Variants in MRPL35 observed in about 807,000 individuals in gnomAD.
The protein encoded by MRPL35 is mitochondrial ribosomal protein L35.
A neutral mutation model predicts 21.6 loss-of-function variants in MRPL35; 18 were observed. The observed-to-expected ratio is 0.83, with a 90% CI of 0.58 to 1.24. The LOEUF (loss-of-function observed/expected upper bound fraction) is 1.24, where lower values mean the gene tolerates loss of function less well. MRPL35 is among the 50% of genes most tolerant of loss of function. The probability of loss-of-function intolerance (pLI) is 0.00; values close to 1 mark genes in which losing one functional copy is unlikely to be tolerated. For missense variants in MRPL35, 223 were observed against 223.2 expected, an observed-to-expected ratio of 1.00 and a Z score of 0.01; for synonymous variants, 87 against 86.9, an observed-to-expected ratio of 1.00 and a Z score of -0.01.
rs1052055 is a variant in MRPL35, at chr2:86,210,606, C to T, written c.505C>T (p.Arg169Ter). ...DKMTTSFWKR[R>*]NWYVDDPYQK... is the part of the protein sequence containing the mutation. ...AATGACGACGTCCTTCTGGAAGAGG[C>T]GAAACTGGTACGTTGATGATCCTTA... is the stretch of plus-strand genomic sequence containing the variant. Residue 169 changes from arginine (R) to a stop codon, truncating the protein, a stop_gained, in exon 4 of 4, where the codon CGA becomes TGA. Coordinates refer to ENST00000337109, the MANE Select transcript of MRPL35 (RefSeq NM_016622.4). LOFTEE classifies it high-confidence loss of function. The T allele has an allele frequency of 1.2e-5, 20 of 1,613,526 alleles. No individual in the cohort carries two copies. Among genetic ancestry groups the T allele is most frequent in the Admixed American group, 3.3e-5 (2 of 59,976 alleles).
At position 86,212,080 on chromosome 2, in the gene MRPL35, T is replaced by C. The variant is rs1673912098; in HGVS notation, c.*1412T>C. On this transcript the variant is annotated 3_prime_UTR_variant, in exon 4 of 4. Coordinates refer to ENST00000337109, the MANE Select transcript of MRPL35 (RefSeq NM_016622.4). ...AGCATTTTCAAACAGCAAAGTACTT[T>C]GAAAACCATTATTAAATAGAATTAT... 1.8e-6 allele frequency: 2 copies of C among 1,102,356 alleles called. No homozygotes were observed. The highest frequency in any genetic ancestry group is 2.2e-6 in the Non-Finnish European group (2 of 902,992). 68.3% of individuals were successfully genotyped at this position (1,102,356 alleles called of 1,614,324 possible). A position where few individuals can be genotyped will look rare whatever the true frequency, so the allele number is the denominator to read the frequency against.
chr2:86,211,707 GC>G lies in MRPL35; in HGVS notation c.*1042del. 1.0e-6 allele frequency: 1 copy of G among 984,780 alleles called. No individual in the cohort carries two copies. The highest frequency in any genetic ancestry group is 1.2e-6 in the Non-Finnish European group (1 of 829,396). The allele number at this position is 984,780 out of a possible 1,614,324, so 61.0% of individuals were successfully genotyped here. On this transcript the variant is annotated 3_prime_UTR_variant, in exon 4 of 4. Coordinates refer to ENST00000337109, the MANE Select transcript of MRPL35 (RefSeq NM_016622.4). ...CTAGAGACAGGAGTTTTGCTCTGTT[GC>G]CCAGGCTGGAGTGCAGTGGTGCAAT...
rs202007348 is a variant in MRPL35, at chr2:86,207,343, G to A, written c.378+16G>A. The stretch of plus-strand genomic sequence containing the variant: ...GAGGAGAAAGGTGAGTCTTCACACT[G>A]TTACTAAATTGAAAAAGGAATGTGA... On this transcript the variant is annotated intron_variant, in intron 3 of 3. Transcript: ENST00000337109. The A allele has an allele frequency of 6.2e-7, 1 of 1,600,048 alleles. No homozygotes were observed. The highest frequency in any genetic ancestry group is 8.5e-7 in the Non-Finnish European group (1 of 1,173,908).
chr2:86,213,555 G>A lies in MRPL35; in HGVS notation c.*2887G>A, dbSNP rs1023095664. The A allele has an allele frequency of 3.3e-6, 5 of 1,521,942 alleles. No homozygotes were observed. In the African/African-American group the frequency reaches 5.6e-5, roughly 17 times the overall value. 94.3% of individuals were successfully genotyped at this position (1,521,942 alleles called of 1,614,324 possible). A position where few individuals can be genotyped will look rare whatever the true frequency, so the allele number is the denominator to read the frequency against. On this transcript the variant is annotated 3_prime_UTR_variant, in exon 4 of 4. Transcript: ENST00000337109. ...CACCCAATGAAGTTTGAGTCTGCCT[G>A]TTCAGATGTGAAAGGTAAGGGCTGC...
chr2:86,201,899 G>A (rs1474357769), intron 1 of MRPL35, among the ~76,000 whole-genome samples: 1 of 152,030 alleles, frequency 6.6e-6, no homozygotes, highest in Non-Finnish European at 1.5e-5. Flanking sequence ...AATGTACATC[G>A]TCACCTTTGT....
Position 86,207,147 on chromosome 2 carries a change from T to A in MRPL35, c.234-36T>A, listed in dbSNP as rs147307303. 4.2e-5 allele frequency: 64 copies of A among 1,538,748 alleles called. No homozygotes were observed. The African/African-American group carries it at 8.5e-4, about 20-fold the overall frequency. On this transcript the variant is annotated intron_variant, in intron 2 of 3. Transcript: ENST00000337109. Reference sequence around the variant, plus strand: ...ATGAATTTTAATCCTTTAATCAGTCTGATTACAAGCTAAAAATTTTAAAAT... The same window carrying A: ...ATGAATTTTAATCCTTTAATCAGTCAGATTACAAGCTAAAAATTTTAAAAT...
At chr2:86,206,025 G>C (rs1673781654) in intron 1 of MRPL35, 81 bp from the exon 2 acceptor site, 1 of 1,208,224 alleles carries the variant, frequency 8.3e-7, no homozygotes, top group Admixed American at 2.1e-5. Context: ...TTAATACTTG[G>C]TGGCAGTGAT....
At chr2:86,200,049 C>T (rs1210289973) in intron 1 of MRPL35, among the ~76,000 whole-genome samples, 1 of 152,148 alleles carries the variant, frequency 6.6e-6, no homozygotes, top group South Asian at 2.1e-4. Context: ...GGCACAAGGG[C>T]TGGTATGAGG....
intron 1 of MRPL35, among the ~76,000 whole-genome samples, chr2:86,205,818 C>A (rs894994824): frequency 6.6e-6 from 1 of 152,212 alleles, no homozygotes; most frequent in Admixed American, 6.5e-5. Context: ...AAATGTTACA[C>A]ACATCTCTTT....
At chr2:86,210,202 A>G (rs1207809882) in intron 3 of MRPL35, among the ~76,000 whole-genome samples, 1 of 152,152 alleles carries the variant, frequency 6.6e-6, no homozygotes, top group Non-Finnish European at 1.5e-5. Context: ...CCAGCCACAC[A>G]CATTTAGTTT....
intron 3 of MRPL35, among the ~76,000 whole-genome samples, 168 bp from the exon 4 acceptor site, chr2:86,210,312 C>CA (rs1175035834): frequency 6.7e-6 from 1 of 149,404 alleles, no homozygotes; most frequent in African/African-American, 2.4e-5. Flanking sequence ...CCCTCCCCGC[C>CA]ACCCTCCCTT....
Position 86,199,544 on chromosome 2 carries a change from A to G in MRPL35, c.43+11A>G, listed in dbSNP as rs1673643530. 2 of 1,614,030 alleles carry G rather than the reference A, an allele frequency of 1.2e-6. No individual in the cohort carries two copies. Among genetic ancestry groups the G allele is most frequent in the East Asian group, 4.5e-5 (2 of 44,870 alleles). On this transcript the variant is annotated intron_variant, in intron 1 of 3. Coordinates refer to ENST00000337109, the MANE Select transcript of MRPL35 (RefSeq NM_016622.4). ...TGAGAGCAGCTTCAGGTCAGTGGAGAGCGACATACTCCATGCATGCCTTCA... is the reference window on the plus strand; with the variant it reads ...TGAGAGCAGCTTCAGGTCAGTGGAGGGCGACATACTCCATGCATGCCTTCA...
At position 86,213,610 on chromosome 2, in the gene MRPL35, C is replaced by T. The variant is rs1253352377; in HGVS notation, c.*2942C>T. 8.4e-6 allele frequency: 13 copies of T among 1,550,164 alleles called. No individual in the cohort carries two copies. The East Asian group carries it at 9.8e-5, about 12-fold the overall frequency. On this transcript the variant is annotated 3_prime_UTR_variant, in exon 4 of 4. Transcript: ENST00000337109. The stretch of plus-strand genomic sequence containing the variant: ...GGTTTAAGGGTGGCCCTTCACCACC[C>T]TGTTGTCACCTGCACAGGCACTCCC...
Position 86,212,620 on chromosome 2 carries a change from C to T in MRPL35, c.*1952C>T, listed in dbSNP as rs899843902. On this transcript the variant is annotated 3_prime_UTR_variant, in exon 4 of 4. Coordinates refer to ENST00000337109, the MANE Select transcript of MRPL35 (RefSeq NM_016622.4). ...GGTCTCTGTTACAGGGGCCTCAGAG[C>T]ACCTTCGTTTCTCCTCTAGACCAGG... is the stretch of plus-strand genomic sequence containing the variant. The T allele has an allele frequency of 2.6e-5, 36 of 1,385,108 alleles. No homozygotes were observed. The highest frequency in any genetic ancestry group is 3.2e-5 in the Non-Finnish European group (34 of 1,071,452). 85.8% of individuals were successfully genotyped at this position (1,385,108 alleles called of 1,614,324 possible). A position where few individuals can be genotyped will look rare whatever the true frequency, so the allele number is the denominator to read the frequency against.
Position 86,210,770 on chromosome 2 carries a change from GA to G in MRPL35, c.*104del. 1 of 1,445,510 alleles carries G rather than the reference GA, an allele frequency of 6.9e-7. No homozygotes were observed. Among genetic ancestry groups the G allele is most frequent in the East Asian group, 2.3e-5 (1 of 42,630 alleles). 89.5% of individuals were successfully genotyped at this position (1,445,510 alleles called of 1,614,324 possible). A position where few individuals can be genotyped will look rare whatever the true frequency, so the allele number is the denominator to read the frequency against. On this transcript the variant is annotated 3_prime_UTR_variant, in exon 4 of 4. Coordinates refer to ENST00000337109, the MANE Select transcript of MRPL35 (RefSeq NM_016622.4). ...AAAACTTGATGTAAATTGTACCAAT[GA>G]ATACGTAAACATACAGTGACAACAT...
intron 1 of MRPL35, 130 bp downstream of exon 1, chr2:86,199,663 A>T: frequency 8.4e-7 from 1 of 1,189,492 alleles, no homozygotes. Flanking sequence ...GGTTGCGCCC[A>T]ATTTTCTCTG....
At position 86,199,461 on chromosome 2, in the gene MRPL35, C is replaced by T. The variant is rs775812404; in HGVS notation, c.-30C>T. Reference sequence around the variant, plus strand: ...CTCTTTTGCTCTTGTGCTTTTAAACCCAAAGCGGCCGCCGTAGGCGAAGGT... The same window carrying T: ...CTCTTTTGCTCTTGTGCTTTTAAACTCAAAGCGGCCGCCGTAGGCGAAGGT... On this transcript the variant is annotated 5_prime_UTR_variant, in exon 1 of 4. Coordinates refer to ENST00000337109, the MANE Select transcript of MRPL35 (RefSeq NM_016622.4). 12 of 1,613,910 alleles carry T rather than the reference C, an allele frequency of 7.4e-6. No individual in the cohort carries two copies. The highest frequency in any genetic ancestry group is 1.7e-5 in the Admixed American group (1 of 60,014).
rs376000590 is a variant in MRPL35 at position 86,199,499 on chromosome 2, C to T, written c.9C>T (p.Ala3=). Residue 3 remains alanine (A), a synonymous_variant, in exon 1 of 4, where the codon GCC becomes GCT. Transcript: ENST00000337109. The part of the protein sequence containing the change: MA[A]SAFAGAVRAA... ...CGTAGGCGAAGGTGAAGATGGCTGC[C>T]TCTGCCTTTGCTGGTGCAGTGAGAG... 54 of 1,614,102 alleles carry T rather than the reference C, an allele frequency of 3.3e-5. No homozygotes were observed. Among genetic ancestry groups the T allele is most frequent in the African/African-American group, 4.0e-5 (3 of 74,952 alleles).
intron 3 of MRPL35, among the ~76,000 whole-genome samples, chr2:86,209,056 T>C (rs979940554): frequency 9.9e-5 from 15 of 152,134 alleles, no homozygotes; most frequent in Admixed American, 2.0e-4. Flanking sequence ...AGCAGGGCAA[T>C]AAATTAGGTG....
Sources: allele counts gnomAD v4.1 joint callset (sites outside exome capture counted in the v4.1 genomes callset), GRCh38; gene constraint gnomAD v4.1.1; transcripts MANE v1.5; gene names NCBI Gene and HGNC (gene_info 2026-07-23, HGNC 2026-07-21).